TG: variants seen among roughly 807,000 people sequenced by gnomAD.
TG encodes the protein thyroid hormones.
A neutral mutation model predicts 324.7 loss-of-function variants in TG; 270 were observed. That is an observed-to-expected ratio of 0.83 (90% CI 0.75 to 0.92). The LOEUF (loss-of-function observed/expected upper bound fraction) is 0.92. TG is among the 40% of genes least tolerant of loss of function. TG has a pLI of 0.00. For missense variants in TG, 3,591 were observed against 3,456.4 expected (o/e 1.04, Z -0.98); for synonymous variants, 1,401 against 1,327.0 (o/e 1.06, Z -1.21).
At chr8:132,972,809 A>G in intron 34 of TG, 68 bp downstream of exon 34, 1 of 1,597,948 alleles carries the variant, frequency 6.3e-7, no homozygotes, top group Non-Finnish European at 8.6e-7. Flanking sequence ...ATGCATTAGG[A>G]CAATATTCTT....
intron 41 of TG, among the ~76,000 whole-genome samples, chr8:133,080,991 C>T (rs969722802): frequency 7.9e-5 from 12 of 152,236 alleles, no homozygotes; most frequent in African/African-American, 2.7e-4. Context: ...ATTGGAGTAA[C>T]GAGCAAGAGA....
intron 18 of TG, among the ~76,000 whole-genome samples, chr8:132,908,667 A>T (rs1052931690): frequency 6.6e-6 from 1 of 152,174 alleles, no homozygotes; most frequent in Non-Finnish European, 1.5e-5. Context: ...AGTCTTCAGG[A>T]TGCAGCAGTT....
intron 41 of TG, among the ~76,000 whole-genome samples, chr8:133,055,034 A>G (rs1480359912): frequency 6.6e-6 from 1 of 152,160 alleles, no homozygotes; most frequent in African/African-American, 2.4e-5. Flanking sequence ...CAAAGCTGGG[A>G]GAGTTTTAGT....
chr8:133,038,818 T>A, intron 41 of TG: 2 of 864,410 alleles, frequency 2.3e-6, no homozygotes, highest in South Asian at 1.5e-5. Flanking sequence ...GGCAAGAGAA[T>A]GAGAACAGGA....
intron 14 of TG, 73 bp downstream of exon 14, chr8:132,898,983 CA>C (rs1817541789): frequency 7.7e-7 from 1 of 1,292,736 alleles, no homozygotes; most frequent in Non-Finnish European, 1.1e-6. Context: ...TCTTTTTGTT[CA>C]ATACGTTCAG....
chr8:132,909,298 G>A (rs1351372616), intron 18 of TG, among the ~76,000 whole-genome samples: 1 of 152,302 alleles, frequency 6.6e-6, no homozygotes, highest in East Asian at 1.9e-4. Context: ...TACAAGACTG[G>A]GTAGTAGTTG....
chr8:133,085,869 C>T (rs752977513), intron 41 of TG, among the ~76,000 whole-genome samples: 1 of 152,174 alleles, frequency 6.6e-6, no homozygotes, highest in Admixed American at 6.5e-5. Context: ...CCACCCCTAC[C>T]TATACATTCA....
rs745783665 is a variant in TG at position 132,897,784 on chromosome 8, C to G, written c.3137C>G (p.Thr1046Ser). 3.1e-6 allele frequency: 5 copies of G among 1,614,150 alleles called. No homozygotes were observed. The highest frequency in any genetic ancestry group is 2.2e-5 in the South Asian group (2 of 91,084). ...GAGCCTGTGCAGTGCCACGCTGGGA[C>G]TGGTAAGGAGGGATAGGCACCTTCA... The part of the protein sequence containing the change: ...SWEPVQCHAG[T>S]GHCWCVDEKG... The change falls in exon 12 of 48, where the codon ACT (threonine) becomes AGT (serine). Residue 1046 changes from threonine to serine, a missense_variant and splice_region_variant. Transcript: ENST00000220616.
intron 27 of TG, among the ~76,000 whole-genome samples, chr8:132,960,234 G>T (rs7830704): frequency 2.0e-3 from 312 of 152,268 alleles, no homozygotes; most frequent in African/African-American, 7.2e-3. Context: ...GGTATAAAAA[G>T]ACTAGCTCCT....
At chr8:132,942,871 G>T (rs2739072) in intron 26 of TG, among the ~76,000 whole-genome samples, 2 of 151,942 alleles carry the variant, frequency 1.3e-5, no homozygotes, top group East Asian at 1.9e-4. Context: ...CAGAGTGGGA[G>T]GATTTGGTTC....
intron 35 of TG, among the ~76,000 whole-genome samples, chr8:132,991,251 C>T (rs1362298335): frequency 6.6e-6 from 1 of 152,114 alleles, no homozygotes; most frequent in Non-Finnish European, 1.5e-5. Context: ...CCCCACAGCA[C>T]TCTCCACAGT....
chr8:133,009,129 C>T (rs1328713960), intron 35 of TG, among the ~76,000 whole-genome samples: 1 of 152,194 alleles, frequency 6.6e-6, no homozygotes, highest in Non-Finnish European at 1.5e-5. Context: ...ATAGTGCTTT[C>T]TCCCAGACAT....
rs200297969 is a variant in TG, at chr8:132,881,821, T to C, written c.639-42T>C. On this transcript the variant is annotated intron_variant, in intron 5 of 47. Coordinates refer to ENST00000220616, the MANE Select transcript of TG (RefSeq NM_003235.5). ...TTCTACAGGAAAAGCTTGTGATGAC[T>C]TGCCTTTATGAATGGTGACCGTAAA... The C allele has an allele frequency of 1.5e-4, 211 of 1,388,402 alleles. 1 individual carries two copies. The highest frequency in any genetic ancestry group is 1.3e-3 in the South Asian group (111 of 86,602). 86.0% of individuals were successfully genotyped at this position (1,388,402 alleles called of 1,614,324 possible).
intron 41 of TG, among the ~76,000 whole-genome samples, chr8:133,033,061 G>A (rs148297876): frequency 4.6e-5 from 7 of 152,218 alleles, no homozygotes; most frequent in African/African-American, 9.6e-5. Flanking sequence ...GACTCTCTTG[G>A]GGTCTCAAGG....
chr8:132,989,125 C>G (rs1363306780), intron 35 of TG, among the ~76,000 whole-genome samples: 1 of 152,170 alleles, frequency 6.6e-6, no homozygotes, highest in Admixed American at 6.5e-5. Context: ...TGTCCTGAGA[C>G]TTATTCACTA....
chr8:132,962,892 T>C, intron 28 of TG, 102 bp from the exon 29 acceptor site: 1 of 1,069,942 alleles, frequency 9.3e-7, no homozygotes, highest in South Asian at 1.3e-5. Flanking sequence ...GTCACCTGGC[T>C]TTAGGGCCTG....
At chr8:132,988,658 A>G (rs990832996) in intron 35 of TG, 3 of 961,612 alleles carry the variant, frequency 3.1e-6, no homozygotes. Context: ...CAAGTGAAAT[A>G]GTAAATATAT....
intron 16 of TG, among the ~76,000 whole-genome samples, chr8:132,902,426 C>T (rs1587328550): frequency 6.6e-6 from 1 of 151,930 alleles, no homozygotes; most frequent in African/African-American, 2.4e-5. Flanking sequence ...GGGAAGAGTC[C>T]CCCCACTCTC....
intron 23 of TG, 127 bp from the exon 24 acceptor site, chr8:132,933,434 T>TTGTGTGTGTGTGTGTGTGTGTGTGTGTG (rs370957018): frequency 1.7e-6 from 1 of 601,758 alleles, no homozygotes; most frequent in African/African-American, 2.1e-5. Flanking sequence ...ATCTGCATAT[T>TTGTGTGTGTGTGTGTGTGTGTGTGTGTG]TGTGTGTGTG....
Sources: gnomAD v4.1 joint callset for allele counts (sites outside exome capture counted in the v4.1 genomes callset) on GRCh38, gnomAD v4.1.1 for gene constraint, MANE v1.5 for transcripts, NCBI Gene and HGNC (gene_info 2026-07-23, HGNC 2026-07-21) for gene names.